The following SPINK8 variants were observed in gnomAD, a reference collection of about 807,000 sequenced individuals.
The protein encoded by SPINK8 is serine peptidase inhibitor Kazal type 8 (putative), also known as serine protease inhibitor Kazal-type 8.
SPINK8 carries 12 observed loss-of-function variants against 14.4 expected under a neutral mutation model. That is an observed-to-expected ratio of 0.83 (90% CI 0.53 to 1.35). The LOEUF (loss-of-function observed/expected upper bound fraction) is 1.35, where lower values mean the gene tolerates loss of function less well. SPINK8 is among the 40% of genes most tolerant of loss of function. SPINK8 has a pLI of 0.00. For missense variants in SPINK8, 103 were observed against 117.0 expected, an observed-to-expected ratio of 0.88 and a Z score of 0.55; for synonymous variants, 32 against 37.6, an observed-to-expected ratio of 0.85 and a Z score of 0.55.
Position 48,333,643 on chromosome 3 carries a change from G to C in SPINK8, c.-350C>G, listed in dbSNP as rs1168686243. The stretch of plus-strand genomic sequence containing the variant: ...TACCAGCGTGCCTGACATTGCCTTT[G>C]CACTCAGGAGTGAGTTCTAGAGCTG... On this transcript the variant is annotated 5_prime_UTR_variant, in exon 1 of 8. Coordinates refer to ENST00000434006, the MANE Select transcript of SPINK8 (RefSeq NM_001080525.3). 6.6e-6 allele frequency among the ~76,000 whole-genome samples: 1 copy of C among 152,166 alleles called. No homozygotes were observed. The highest frequency in any genetic ancestry group is 6.5e-5 in the Admixed American group (1 of 15,272).
At chr3:48,321,642 T>C (rs989183032) in intron 4 of SPINK8, among the ~76,000 whole-genome samples, 3 of 151,702 alleles carry the variant, frequency 2.0e-5, no homozygotes, top group Non-Finnish European at 4.4e-5. Context: ...GGTGAAACCC[T>C]GTCTCTACTA....
rs150625463 is a variant in SPINK8, at chr3:48,320,363, C to T, written c.117+662G>A. On this transcript the variant is annotated intron_variant, in intron 5 of 7. Transcript: ENST00000434006. The stretch of plus-strand genomic sequence containing the variant: ...AGGAGTTTGAGACCAGCCTGGCCAA[C>T]ATGGTGAAACCCCATCTCTACTAAA... Among the ~76,000 whole-genome samples the T allele has an allele frequency of 4.5e-3, 692 of 152,224 alleles. 5 individuals are homozygous for T. The highest frequency in any genetic ancestry group is 7.6e-3 in the Non-Finnish European group (516 of 68,012).
intron 4 of SPINK8, among the ~76,000 whole-genome samples, chr3:48,321,648 T>C (rs2036077239): frequency 1.3e-5 from 2 of 151,824 alleles, no homozygotes; most frequent in Non-Finnish European, 2.9e-5. Context: ...ACCCTGTCTC[T>C]ACTAAAAATA....
chr3:48,330,947 G>C (rs59313008), intron 2 of SPINK8, among the ~76,000 whole-genome samples: 5 of 151,946 alleles, frequency 3.3e-5, no homozygotes, highest in African/African-American at 1.2e-4. Context: ...AGTAGGGGTC[G>C]TGCAGTTGAG....
At chr3:48,333,165 T>C (rs2036287979) in intron 1 of SPINK8, among the ~76,000 whole-genome samples, 1 of 152,232 alleles carries the variant, frequency 6.6e-6, no homozygotes, top group Non-Finnish European at 1.5e-5. Context: ...ATATGGCACT[T>C]CGCTCCATTT....
At chr3:48,313,345 A>G (rs531259237) in intron 6 of SPINK8, among the ~76,000 whole-genome samples, 1 of 152,218 alleles carries the variant, frequency 6.6e-6, no homozygotes, top group Non-Finnish European at 1.5e-5. Flanking sequence ...CCAAAAAAGT[A>G]TATGGATAGC....
intron 2 of SPINK8, among the ~76,000 whole-genome samples, chr3:48,329,997 A>T (rs1239799493): frequency 1.3e-5 from 2 of 152,198 alleles, no homozygotes; most frequent in East Asian, 1.9e-4. Flanking sequence ...TTAAAGCAGA[A>T]GTTCAGAAGT....
At chr3:48,332,148 G>T (rs1331589251) in intron 2 of SPINK8, among the ~76,000 whole-genome samples, 1 of 152,144 alleles carries the variant, frequency 6.6e-6, no homozygotes, top group African/African-American at 2.4e-5. Flanking sequence ...CATTCGATTT[G>T]CCCAGCCTTT....
chr3:48,315,720 C>CAAAAAAAAAAAAAA (rs66504818), intron 6 of SPINK8, among the ~76,000 whole-genome samples: 22 of 21,920 alleles, frequency 1.0e-3, no homozygotes, highest in Non-Finnish European at 1.8e-3. Flanking sequence ...GACTCCATCT[C>CAAAAAAAAAAAAAA]AAAAAAAAAA....
chr3:48,313,367 T>G (rs2035947951), intron 6 of SPINK8, among the ~76,000 whole-genome samples: 1 of 152,122 alleles, frequency 6.6e-6, no homozygotes, highest in Admixed American at 6.6e-5. Context: ...AAAAAGTACA[T>G]AAGAAGATGT....
intron 4 of SPINK8, among the ~76,000 whole-genome samples, chr3:48,322,043 T>C (rs543500727): frequency 6.6e-6 from 1 of 152,182 alleles, no homozygotes; most frequent in South Asian, 2.1e-4. Context: ...CTGGAATTCC[T>C]GGGCTTAAGC....
At chr3:48,308,439 T>C (rs779430896) in intron 7 of SPINK8, among the ~76,000 whole-genome samples, 1 of 152,198 alleles carries the variant, frequency 6.6e-6, no homozygotes, top group Admixed American at 6.5e-5. Flanking sequence ...TAACTTTTCA[T>C]CCATGGCACA....
chr3:48,318,933 C>T (rs759208404), intron 6 of SPINK8, among the ~76,000 whole-genome samples: 3 of 152,210 alleles, frequency 2.0e-5, no homozygotes, highest in Non-Finnish European at 4.4e-5. Context: ...CATACAAACC[C>T]CTGCTCCTCA....
intron 6 of SPINK8, among the ~76,000 whole-genome samples, chr3:48,318,244 G>A (rs1363394696): frequency 6.6e-6 from 1 of 151,964 alleles, no homozygotes; most frequent in African/African-American, 2.4e-5. Context: ...GGGTTCGAGG[G>A]ATTCTTCTGC....
intron 6 of SPINK8, among the ~76,000 whole-genome samples, chr3:48,317,649 G>C (rs2036011499): frequency 6.6e-6 from 1 of 151,636 alleles, no homozygotes; most frequent in South Asian, 2.1e-4. Context: ...CTGAGTAGCT[G>C]GGACTACAGG....
chr3:48,325,738 C>T (rs1277091327), intron 4 of SPINK8, among the ~76,000 whole-genome samples: 3 of 151,696 alleles, frequency 2.0e-5, no homozygotes, highest in African/African-American at 4.8e-5. Context: ...GCTGGGATTA[C>T]AGGCATGCAC....
At chr3:48,325,368 C>T (rs1344364889) in intron 4 of SPINK8, among the ~76,000 whole-genome samples, 2 of 151,194 alleles carry the variant, frequency 1.3e-5, no homozygotes, top group African/African-American at 2.4e-5. Flanking sequence ...TTCTCAAGTC[C>T]TCCTTCACTG....
chr3:48,315,720 CAAAA>C lies in SPINK8; in HGVS notation c.239+3773_239+3776del, dbSNP rs66504818. ...TGGGTAACAGAGTAAGACTCCATCT[CAAAA>C]AAAAAAAAAAAAAAAAAAAAGAACT... On this transcript the variant is annotated intron_variant, in intron 6 of 7. Transcript: ENST00000434006. Among the ~76,000 whole-genome samples the C allele has an allele frequency of 5.5e-4, 12 of 21,920 alleles. No individual in the cohort carries two copies. In the East Asian group the frequency reaches 6.1e-3, roughly 11 times the overall value. 14.4% of individuals were successfully genotyped at this position (21,920 alleles called of 152,430 possible).
At chr3:48,316,765 C>T (rs4130995) in intron 6 of SPINK8, among the ~76,000 whole-genome samples, 58,734 of 151,596 alleles carry the variant, frequency 0.39, 12,222 homozygotes, top group African/African-American at 0.53. Context: ...AGAGTGAGAC[C>T]TGGTCTCATA....
Sources: allele counts gnomAD v4.1 joint callset (sites outside exome capture counted in the v4.1 genomes callset), GRCh38; gene constraint gnomAD v4.1.1; transcripts MANE v1.5; gene names NCBI Gene and HGNC (gene_info 2026-07-23, HGNC 2026-07-21).